CCDC127: variants seen among roughly 807,000 people sequenced by gnomAD.
CCDC127 encodes coiled-coil domain containing 127, also known as coiled-coil domain-containing protein 127.
In CCDC127, 2 loss-of-function variants were observed where a neutral mutation model predicts 4.1. The ratio of observed to expected loss-of-function variants is 0.49; its 90% CI spans 0.20 to 1.53. The LOEUF (loss-of-function observed/expected upper bound fraction) is 1.53, where lower values mean the gene tolerates loss of function less well. CCDC127 is among the 40% of genes most tolerant of loss of function. The pLI, the probability that CCDC127 is intolerant of heterozygous loss-of-function variation, is 0.23. For missense variants in CCDC127, 271 were observed against 322.9 expected, an observed-to-expected ratio of 0.84 and a Z score of 1.23; for synonymous variants, 98 against 120.4, an observed-to-expected ratio of 0.81 and a Z score of 1.22.
At chr5:217,918 A>G (rs1734456950) in intron 1 of CCDC127, among the ~76,000 whole-genome samples, 175 bp downstream of exon 1, 1 of 152,278 alleles carries the variant, frequency 6.6e-6, no homozygotes, top group African/African-American at 2.4e-5. Context: ...AATAAACAAG[A>G]GGTCGGAGGC....
intron 1 of CCDC127, 85 bp downstream of exon 1, chr5:218,008 T>G: frequency 3.6e-6 from 3 of 828,896 alleles, no homozygotes; most frequent in Non-Finnish European, 4.5e-6. Context: ...TTCAGGCCCT[T>G]CGGTCTGGGC....
intron 2 of CCDC127, among the ~76,000 whole-genome samples, chr5:213,467 C>T (rs866837644): frequency 7.1e-4 from 66 of 92,438 alleles, no homozygotes; most frequent in African/African-American, 2.9e-3. Flanking sequence ...GCAGCCACGA[C>T]GAGACAGCAC....
intron 1 of CCDC127, chr5:217,126 TC>T (rs1390002242): frequency 6.5e-5 from 11 of 168,340 alleles, no homozygotes; most frequent in South Asian, 1.9e-4. Context: ...CGAGACTCCG[TC>T]CCCCCCAAAA....
chr5:200,359 C>T lies in CCDC127; in HGVS notation c.*4938G>A, dbSNP rs377641351. On this transcript the variant is annotated 3_prime_UTR_variant, in exon 3 of 3. Coordinates refer to ENST00000296824, the MANE Select transcript of CCDC127 (RefSeq NM_145265.3). ...TCTGCAACCCTGATCTTCATTGTTC[C>T]CACTCCTTTAGAACACCGCGGTATG... is the stretch of plus-strand genomic sequence containing the variant. 5 of 152,280 alleles carry T rather than the reference C, an allele frequency of 3.3e-5. No homozygotes were observed. The highest frequency in any genetic ancestry group is 1.2e-4 in the African/African-American group (5 of 41,454). The allele number at this position is 152,280 out of a possible 1,614,324, so 9.4% of individuals were successfully genotyped here.
At chr5:206,271 T>A in intron 2 of CCDC127, among the ~76,000 whole-genome samples, 1 of 152,394 alleles carries the variant, frequency 6.6e-6, no homozygotes, top group East Asian at 1.9e-4. Flanking sequence ...AATGTTTGGG[T>A]CGACTTCAAC....
intron 1 of CCDC127, chr5:217,156 G>GAA: frequency 4.3e-5 from 7 of 163,610 alleles, no homozygotes; most frequent in South Asian, 9.5e-5. Flanking sequence ...AAAGAAAAAG[G>GAA]AAAAAAAAAA....
At chr5:207,810 C>T (rs1454908121) in intron 2 of CCDC127, among the ~76,000 whole-genome samples, 2 of 152,042 alleles carry the variant, frequency 1.3e-5, no homozygotes, top group African/African-American at 2.4e-5. Flanking sequence ...CGAGGGGTGG[C>T]GCCGAATCAA....
chr5:217,779 T>G lies in CCDC127; in HGVS notation c.-11+314A>C, dbSNP rs1014570939. 2.7e-4 allele frequency among the ~76,000 whole-genome samples: 41 copies of G among 152,036 alleles called. 1 individual carries two copies. The highest frequency in any genetic ancestry group is 1.3e-4 in the Non-Finnish European group (9 of 68,000). ...GCTGGGGGCTAACGTTAGTAAGAAT[T>G]TACTGATTTACTGAGTACCTACACG... On this transcript the variant is annotated intron_variant, in intron 1 of 2. Coordinates refer to ENST00000296824, the MANE Select transcript of CCDC127 (RefSeq NM_145265.3).
In CCDC127 at chr5:205,610, A is replaced by G. The variant is rs762109468; in HGVS notation, c.470T>C (p.Leu157Pro). 9 of 1,614,220 alleles carry G rather than the reference A, an allele frequency of 5.6e-6. No individual in the cohort carries two copies. The highest frequency in any genetic ancestry group is 6.8e-6 in the Non-Finnish European group (8 of 1,180,050). ...REENWQRRAR[L>P]LLKEFEAVLT... The stretch of plus-strand genomic sequence containing the variant: ...AACAGCTTCAAATTCTTTCAGCAAA[A>G]GCCTGGCTCTCCTTTGCCAGTTTTC... Residue 157 changes from leucine (L) to proline (P), a missense_variant, in exon 3 of 3, where the codon CTT becomes CCT. Physicochemically the swap from Leu to Pro is moderately conservative, Grantham distance 98. Transcript: ENST00000296824.
At chr5:210,448 A>AC (rs1734259222) in intron 2 of CCDC127, among the ~76,000 whole-genome samples, 1 of 152,134 alleles carries the variant, frequency 6.6e-6, no homozygotes, top group African/African-American at 2.4e-5. Context: ...TCAACATTAA[A>AC]AAACAAACAG....
chr5:209,048 A>G (rs888960128), intron 2 of CCDC127, among the ~76,000 whole-genome samples: 5 of 152,124 alleles, frequency 3.3e-5, no homozygotes, highest in African/African-American at 9.7e-5. Context: ...ACTGAAAAAC[A>G]GAACAACTCG....
rs956281925 is a variant in CCDC127 at position 202,274 on chromosome 5, A to T, written c.*3023T>A. ...AGCCACGCCACACAAACACGAACTA[A>T]TATCAACCCTGTGGAAAGAGCATCT... is the stretch of plus-strand genomic sequence containing the variant. On this transcript the variant is annotated 3_prime_UTR_variant, in exon 3 of 3. Transcript: ENST00000296824. 2 of 152,264 alleles carry T rather than the reference A, an allele frequency of 1.3e-5. No homozygotes were observed. The highest frequency in any genetic ancestry group is 2.9e-5 in the Non-Finnish European group (2 of 68,076). The allele number at this position is 152,264 out of a possible 1,614,324, so 9.4% of individuals were successfully genotyped here.
chr5:208,524 A>G (rs1734220308), intron 2 of CCDC127, among the ~76,000 whole-genome samples: 1 of 152,258 alleles, frequency 6.6e-6, no homozygotes, highest in South Asian at 2.1e-4. Context: ...ACATGGGCAA[A>G]GGCTGGATGG....
Position 205,189 on chromosome 5 carries a change from G to T in CCDC127, c.*108C>A. 9.9e-7 allele frequency: 1 copy of T among 1,012,930 alleles called. No homozygotes were observed. 62.7% of individuals were successfully genotyped at this position (1,012,930 alleles called of 1,614,324 possible). A position where few individuals can be genotyped will look rare whatever the true frequency, so the allele number is the denominator to read the frequency against. On this transcript the variant is annotated 3_prime_UTR_variant, in exon 3 of 3. Transcript: ENST00000296824. ...GTGGAGGTCGCTGCTGAAGGGTGACGGTGTGGCCATGACACGGGCAGCACG... is the reference window on the plus strand; with the variant it reads ...GTGGAGGTCGCTGCTGAAGGGTGACTGTGTGGCCATGACACGGGCAGCACG...
At chr5:208,954 C>A (rs1287679320) in intron 2 of CCDC127, among the ~76,000 whole-genome samples, 1 of 151,360 alleles carries the variant, frequency 6.6e-6, no homozygotes, top group Non-Finnish European at 1.5e-5. Flanking sequence ...TATCATCTGA[C>A]AAGGACTTCA....
In CCDC127 at chr5:197,466, T is replaced by C. The variant is rs1488329367; in HGVS notation, c.*7831A>G. The C allele has an allele frequency of 6.6e-6, 1 of 152,252 alleles. No individual in the cohort carries two copies. The highest frequency in any genetic ancestry group is 2.4e-5 in the African/African-American group (1 of 41,448). The allele number at this position is 152,252 out of a possible 1,614,324, so 9.4% of individuals were successfully genotyped here. A position where few individuals can be genotyped will look rare whatever the true frequency, so the allele number is the denominator to read the frequency against. ...CCCGGCTTTCAAGGGCAGAGGTCCC[T>C]GCGGCTTTCCGCAGTGCATTGTGCC... On this transcript the variant is annotated 3_prime_UTR_variant, in exon 3 of 3. Transcript: ENST00000296824.
chr5:200,834 C>T lies in CCDC127; in HGVS notation c.*4463G>A, dbSNP rs1489027464. The T allele has an allele frequency of 6.6e-6, 1 of 152,392 alleles. No homozygotes were observed. Among genetic ancestry groups the T allele is most frequent in the African/African-American group, 2.4e-5 (1 of 41,436 alleles). The allele number at this position is 152,392 out of a possible 1,614,324, so 9.4% of individuals were successfully genotyped here. A position where few individuals can be genotyped will look rare whatever the true frequency, so the allele number is the denominator to read the frequency against. On this transcript the variant is annotated 3_prime_UTR_variant, in exon 3 of 3. Coordinates refer to ENST00000296824, the MANE Select transcript of CCDC127 (RefSeq NM_145265.3). ...GTCAAGGCAGACGGAGCAAGCCCAG[C>T]ACTTTCTACACAGCAGGCTGCCCCC...
At position 210,204 on chromosome 5, in the gene CCDC127, G is replaced by A. The variant is rs555440913; in HGVS notation, c.122-4246C>T. Among the ~76,000 whole-genome samples, 9 of 152,260 alleles carry A rather than the reference G, an allele frequency of 5.9e-5. No individual in the cohort carries two copies. The South Asian group carries it at 1.9e-3, about 32-fold the overall frequency. ...GTAAAATGTAAAACTAAAACTTTAGGAAGAAAAAACCTTCAGGATCTAGAG... is the reference window on the plus strand; with the variant it reads ...GTAAAATGTAAAACTAAAACTTTAGAAAGAAAAAACCTTCAGGATCTAGAG... On this transcript the variant is annotated intron_variant, in intron 2 of 2. Coordinates refer to ENST00000296824, the MANE Select transcript of CCDC127 (RefSeq NM_145265.3).
rs573297932 is a variant in CCDC127 at position 197,335 on chromosome 5, G to T, written c.*7962C>A. 2 of 152,222 alleles carry T rather than the reference G, an allele frequency of 1.3e-5. No homozygotes were observed. The highest frequency in any genetic ancestry group is 6.5e-5 in the Admixed American group (1 of 15,284). 9.4% of individuals were successfully genotyped at this position (152,222 alleles called of 1,614,324 possible). ...AGGCTTTCGTCTTTTACTAACCCATGTCAGCACAGACCCTTTACGGGTGTC... is the reference window on the plus strand; with the variant it reads ...AGGCTTTCGTCTTTTACTAACCCATTTCAGCACAGACCCTTTACGGGTGTC... On this transcript the variant is annotated 3_prime_UTR_variant, in exon 3 of 3. Transcript: ENST00000296824.
Sources: gnomAD v4.1 joint callset for allele counts (sites outside exome capture counted in the v4.1 genomes callset) on GRCh38, gnomAD v4.1.1 for gene constraint, MANE v1.5 for transcripts, NCBI Gene and HGNC (gene_info 2026-07-23, HGNC 2026-07-21) for gene names.